ATRNL1: variants seen among roughly 807,000 people sequenced by gnomAD.
The protein encoded by ATRNL1 is attractin like 1.
Under a neutral mutation model 182.7 loss-of-function variants are expected in ATRNL1, and 95 were observed. That is an observed-to-expected ratio of 0.52 (90% CI 0.44 to 0.62). ATRNL1 has a LOEUF of 0.62. ATRNL1 is among the 20% of genes least tolerant of loss of function. The pLI is 0.00. For missense variants in ATRNL1, 1,471 were observed against 1,679.5 expected (o/e 0.88, Z 2.17); for synonymous variants, 576 against 568.3 (o/e 1.01, Z -0.19).
At chr10:115,858,855 C>T (rs1555102777) in intron 28 of ATRNL1, among the ~76,000 whole-genome samples, 1 of 151,740 alleles carries the variant, frequency 6.6e-6, no homozygotes, top group Non-Finnish European at 1.5e-5. Context: ...GAGAATTTAA[C>T]AGAAGTTTGC....
At chr10:115,495,765 G>T (rs1300507171) in intron 24 of ATRNL1, among the ~76,000 whole-genome samples, 1 of 151,888 alleles carries the variant, frequency 6.6e-6, no homozygotes, top group South Asian at 2.1e-4. Context: ...ATCAGAGTAT[G>T]TGCTATTTGC....
At chr10:115,624,357 TA>T (rs1555024003) in intron 26 of ATRNL1, among the ~76,000 whole-genome samples, 1 of 152,132 alleles carries the variant, frequency 6.6e-6, no homozygotes, top group East Asian at 1.9e-4. Context: ...AAAGTCCTCT[TA>T]AGAATCAGTT....
chr10:115,732,713 G>A (rs139556403), intron 27 of ATRNL1, among the ~76,000 whole-genome samples: 4 of 151,922 alleles, frequency 2.6e-5, no homozygotes, highest in African/African-American at 9.7e-5. Flanking sequence ...ATCTCATATT[G>A]GCCTAAGGGT....
chr10:115,927,174 A>G (rs1162724658), intron 28 of ATRNL1, among the ~76,000 whole-genome samples: 2 of 152,206 alleles, frequency 1.3e-5, no homozygotes, highest in African/African-American at 2.4e-5. Flanking sequence ...CCACATGATT[A>G]TCTCAATAGA....
At chr10:115,874,194 G>A (rs936020470) in intron 28 of ATRNL1, among the ~76,000 whole-genome samples, 4 of 152,080 alleles carry the variant, frequency 2.6e-5, no homozygotes, top group African/African-American at 9.7e-5. Context: ...GCCACAACTG[G>A]GCTTTACTCT....
chr10:115,707,348 G>C (rs1241712565), intron 26 of ATRNL1, among the ~76,000 whole-genome samples: 1 of 151,592 alleles, frequency 6.6e-6, no homozygotes, highest in Non-Finnish European at 1.5e-5. Flanking sequence ...ATGTTCTAAA[G>C]ATAACACTTT....
At chr10:115,588,607 C>T (rs367969151) in intron 26 of ATRNL1, among the ~76,000 whole-genome samples, 1 of 152,182 alleles carries the variant, frequency 6.6e-6, no homozygotes, top group East Asian at 1.9e-4. Flanking sequence ...CTTTGCTACT[C>T]ATGGAAAAGC....
At chr10:115,937,495 G>A (rs1399854024) in intron 28 of ATRNL1, among the ~76,000 whole-genome samples, 2 of 152,164 alleles carry the variant, frequency 1.3e-5, no homozygotes, top group East Asian at 3.9e-4. Context: ...ACTTGTGCTG[G>A]CCTTCCAACA....
chr10:115,241,415 G>A (rs1380713299), intron 9 of ATRNL1, among the ~76,000 whole-genome samples, 156 bp from the exon 10 acceptor site: 1 of 151,504 alleles, frequency 6.6e-6, no homozygotes, highest in African/African-American at 2.4e-5. Context: ...AAATATTGAA[G>A]TTTAGAGGTC....
chr10:115,799,833 A>G (rs1949749103), intron 27 of ATRNL1, among the ~76,000 whole-genome samples: 2 of 152,154 alleles, frequency 1.3e-5, no homozygotes, highest in African/African-American at 4.8e-5. Flanking sequence ...AAAATCTTTC[A>G]ATATCAGATA....
At chr10:115,257,456 CT>C (rs1235604524) in intron 10 of ATRNL1, among the ~76,000 whole-genome samples, 1 of 152,016 alleles carries the variant, frequency 6.6e-6, no homozygotes, top group East Asian at 1.9e-4. Context: ...GCAATCCCTA[CT>C]TTTTTTTGCT....
chr10:115,720,487 C>T (rs1947388528), intron 26 of ATRNL1, among the ~76,000 whole-genome samples: 1 of 152,064 alleles, frequency 6.6e-6, no homozygotes, highest in South Asian at 2.1e-4. Flanking sequence ...TTTAAAAATA[C>T]CTTATTACAA....
chr10:115,821,989 A>AC (rs1391505204), intron 27 of ATRNL1, among the ~76,000 whole-genome samples: 1 of 152,196 alleles, frequency 6.6e-6, no homozygotes, highest in Non-Finnish European at 1.5e-5. Flanking sequence ...TCTACTCAGC[A>AC]CCACATCACA....
chr10:115,856,676 A>C (rs1476795), intron 28 of ATRNL1, among the ~76,000 whole-genome samples: 27,314 of 151,854 alleles, frequency 0.18, 2,559 homozygotes, highest in Non-Finnish European at 0.2. Flanking sequence ...AAGAGTTTGC[A>C]GCCTAGATCC....
chr10:115,379,261 A>G (rs1857852262), intron 19 of ATRNL1, among the ~76,000 whole-genome samples: 2 of 152,190 alleles, frequency 1.3e-5, no homozygotes, highest in South Asian at 4.1e-4. Flanking sequence ...GGTTCAGCAT[A>G]AAAGGATAGC....
At chr10:115,687,059 T>C (rs1946240882) in intron 26 of ATRNL1, among the ~76,000 whole-genome samples, 1 of 152,026 alleles carries the variant, frequency 6.6e-6, no homozygotes, top group Admixed American at 6.6e-5. Flanking sequence ...TTGATTTGGA[T>C]TTTCCTGATG....
chr10:115,415,326 T>A (rs1845337457), intron 20 of ATRNL1, among the ~76,000 whole-genome samples: 1 of 152,060 alleles, frequency 6.6e-6, no homozygotes, highest in Admixed American at 6.6e-5. Flanking sequence ...CATTTTTATA[T>A]CACTTTTGTG....
chr10:115,692,546 A>T (rs1394649544), intron 26 of ATRNL1, among the ~76,000 whole-genome samples: 1 of 152,032 alleles, frequency 6.6e-6, no homozygotes, highest in African/African-American at 2.4e-5. Flanking sequence ...TTGTTCAAGT[A>T]CTCTAAAAAT....
chr10:115,332,953 A>G (rs1308943949), intron 18 of ATRNL1, among the ~76,000 whole-genome samples: 1 of 152,180 alleles, frequency 6.6e-6, no homozygotes, highest in Non-Finnish European at 1.5e-5. Context: ...CAACTTCCAC[A>G]TAGCATTGTT....
Sources: allele counts gnomAD v4.1 joint callset (sites outside exome capture counted in the v4.1 genomes callset), GRCh38; gene constraint gnomAD v4.1.1; transcripts MANE v1.5; gene names NCBI Gene and HGNC (gene_info 2026-07-23, HGNC 2026-07-21).